NDUFS4: variants seen among roughly 807,000 people sequenced by gnomAD.
The protein encoded by NDUFS4 is NADH:ubiquinone oxidoreductase subunit S4.
A neutral mutation model predicts 24.3 loss-of-function variants in NDUFS4; 28 were observed. The observed-to-expected ratio is 1.15, with a 90% confidence interval of 0.85 to 1.58. NDUFS4 has a LOEUF of 1.58. NDUFS4 is among the 40% of genes most tolerant of loss of function. NDUFS4 has a pLI of 0.00. For missense variants in NDUFS4, 223 were observed against 207.9 expected, an observed-to-expected ratio of 1.07 and a Z score of -0.45; for synonymous variants, 93 against 69.7, an observed-to-expected ratio of 1.34 and a Z score of -1.67.
At chr5:53,666,288 T>C (rs1223322449) in intron 4 of NDUFS4, among the ~76,000 whole-genome samples, 1 of 152,202 alleles carries the variant, frequency 6.6e-6, no homozygotes, top group Admixed American at 6.5e-5. Flanking sequence ...AAATCCCTGG[T>C]TAGTCTTTCT....
At chr5:53,606,171 G>C (rs548881594) in intron 2 of NDUFS4, among the ~76,000 whole-genome samples, 1 of 151,994 alleles carries the variant, frequency 6.6e-6, no homozygotes, top group Non-Finnish European at 1.5e-5. Context: ...GTGACAGAGC[G>C]AGACTCTGTC....
At chr5:53,634,327 A>G (rs1033838551) in intron 2 of NDUFS4, among the ~76,000 whole-genome samples, 4 of 152,102 alleles carry the variant, frequency 2.6e-5, no homozygotes, top group African/African-American at 4.8e-5. Flanking sequence ...TCCTTTTCAG[A>G]TGTAATTAAG....
At chr5:53,582,255 A>AAATTAAAT (rs779011138) in intron 1 of NDUFS4, among the ~76,000 whole-genome samples, 10 of 131,018 alleles carry the variant, frequency 7.6e-5, no homozygotes, top group Non-Finnish European at 1.3e-4. Context: ...TTAAATTAAA[A>AAATTAAAT]TAAAAATAAA....
intron 4 of NDUFS4, among the ~76,000 whole-genome samples, chr5:53,680,709 C>T (rs11748487): frequency 0.1 from 15,342 of 147,264 alleles, 978 homozygotes; most frequent in Non-Finnish European, 0.15. Flanking sequence ...GTGGGGGGAG[C>T]GGGGAGGGAT....
intron 2 of NDUFS4, among the ~76,000 whole-genome samples, chr5:53,621,367 T>G (rs1751027799): frequency 6.6e-6 from 1 of 151,996 alleles, no homozygotes; most frequent in Non-Finnish European, 1.5e-5. Context: ...TTATTTAGTT[T>G]GACAATTTCT....
At chr5:53,563,781 C>T (rs112253006) in intron 1 of NDUFS4, among the ~76,000 whole-genome samples, 64 of 152,282 alleles carry the variant, frequency 4.2e-4, no homozygotes, top group African/African-American at 1.3e-3. Context: ...GGATGACAGG[C>T]GGGAGCCACC....
chr5:53,662,441 T>A (rs1752371645), intron 4 of NDUFS4, among the ~76,000 whole-genome samples: 1 of 152,220 alleles, frequency 6.6e-6, no homozygotes, highest in African/African-American at 2.4e-5. Context: ...TCAGGGATAT[T>A]GGTCTAAAAA....
At chr5:53,591,461 T>TGGGG (rs374748766) in intron 1 of NDUFS4, among the ~76,000 whole-genome samples, 104 of 81,084 alleles carry the variant, frequency 1.3e-3, no homozygotes, top group Middle Eastern at 6.7e-3. Flanking sequence ...TTGTTTTTTT[T>TGGGG]GGGGGGGGGG....
intron 2 of NDUFS4, among the ~76,000 whole-genome samples, chr5:53,630,472 G>GT (rs1270490276): frequency 3.3e-5 from 5 of 152,054 alleles, no homozygotes; most frequent in African/African-American, 1.2e-4. Context: ...CCTGAAGAGT[G>GT]TTTTCCAACT....
chr5:53,650,126 CAT>C (rs1029218939), intron 3 of NDUFS4, among the ~76,000 whole-genome samples: 2 of 152,156 alleles, frequency 1.3e-5, no homozygotes, highest in African/African-American at 4.8e-5. Context: ...GAGATTTTTA[CAT>C]GTTCATCTAT....
intron 2 of NDUFS4, among the ~76,000 whole-genome samples, chr5:53,631,504 G>A (rs1187902487): frequency 1.3e-5 from 2 of 152,178 alleles, no homozygotes. Context: ...TCCCCCAGGT[G>A]CTCTGTCCCA....
At chr5:53,578,140 A>G (rs757059539) in intron 1 of NDUFS4, among the ~76,000 whole-genome samples, 1 of 152,214 alleles carries the variant, frequency 6.6e-6, no homozygotes, top group Non-Finnish European at 1.5e-5. Flanking sequence ...TGGATACAAC[A>G]TGCATCTGAG....
At chr5:53,619,862 A>C (rs919334980) in intron 2 of NDUFS4, among the ~76,000 whole-genome samples, 1 of 152,196 alleles carries the variant, frequency 6.6e-6, no homozygotes, top group Non-Finnish European at 1.5e-5. Flanking sequence ...ATAATACCTT[A>C]GCCATCATGC....
intron 2 of NDUFS4, among the ~76,000 whole-genome samples, chr5:53,621,996 G>A (rs1031252186): frequency 1.4e-4 from 21 of 151,982 alleles, no homozygotes; most frequent in African/African-American, 3.9e-4. Flanking sequence ...CACCGCGCCC[G>A]GCCGTAAATT....
intron 1 of NDUFS4, among the ~76,000 whole-genome samples, chr5:53,562,427 T>C (rs543378141): frequency 2.7e-4 from 41 of 152,294 alleles, no homozygotes; most frequent in Non-Finnish European, 5.0e-4. Context: ...TAATTTTAAG[T>C]CAAAGCCATT....
chr5:53,661,629 A>G (rs1554060448), intron 4 of NDUFS4, among the ~76,000 whole-genome samples: 1 of 152,192 alleles, frequency 6.6e-6, no homozygotes, highest in Non-Finnish European at 1.5e-5. Flanking sequence ...CTTCCTACCC[A>G]TGAGCATGGA....
chr5:53,682,330 A>AAAT (rs554226564), intron 4 of NDUFS4, among the ~76,000 whole-genome samples: 100 of 152,192 alleles, frequency 6.6e-4, no homozygotes, highest in Admixed American at 1.8e-3. Flanking sequence ...AGGAAAATAT[A>AAAT]AATACTCAGA....
intron 4 of NDUFS4, among the ~76,000 whole-genome samples, chr5:53,679,062 A>AAAG (rs917402411): frequency 1.3e-5 from 2 of 152,176 alleles, no homozygotes; most frequent in African/African-American, 4.8e-5. Flanking sequence ...ACATAGCAGA[A>AAAG]AAGTTTTCTG....
At chr5:53,624,377 A>G (rs1429273737) in intron 2 of NDUFS4, among the ~76,000 whole-genome samples, 1 of 152,130 alleles carries the variant, frequency 6.6e-6, no homozygotes, top group Non-Finnish European at 1.5e-5. Context: ...TACCCCCAAA[A>G]TGTCACTTTT....
Sources: allele counts gnomAD v4.1 joint callset (sites outside exome capture counted in the v4.1 genomes callset), GRCh38; gene constraint gnomAD v4.1.1; transcripts MANE v1.5; gene names NCBI Gene and HGNC (gene_info 2026-07-23, HGNC 2026-07-21).